EGF: variants seen among roughly 807,000 people sequenced by gnomAD.
The protein encoded by EGF is pro-epidermal growth factor.
Under a neutral mutation model 143.8 loss-of-function variants are expected in EGF, and 95 were observed. The observed-to-expected ratio is 0.66, with a 90% CI of 0.56 to 0.78. The LOEUF is 0.78. EGF is among the 30% of genes least tolerant of loss of function. The pLI is 0.00. For missense variants in EGF, 1,320 were observed against 1,470.9 expected, an observed-to-expected ratio of 0.90 and a Z score of 1.68; for synonymous variants, 510 against 510.5, an observed-to-expected ratio of 1.00 and a Z score of 0.01.
intron 13 of EGF, among the ~76,000 whole-genome samples, 198 bp downstream of exon 13, chr4:109,976,433 T>C (rs2126105029): frequency 6.6e-6 from 1 of 152,326 alleles, no homozygotes; most frequent in South Asian, 2.1e-4. Flanking sequence ...TGTTGCGTAA[T>C]CATTTCTCTT....
chr4:109,948,642 C>A (rs1743269127), intron 5 of EGF, among the ~76,000 whole-genome samples: 1 of 152,080 alleles, frequency 6.6e-6, no homozygotes, highest in Non-Finnish European at 1.5e-5. Context: ...CATCATCACA[C>A]CTGGCTAATT....
intron 18 of EGF, among the ~76,000 whole-genome samples, chr4:109,991,357 A>G (rs1270362573): frequency 6.6e-6 from 1 of 152,150 alleles, no homozygotes; most frequent in African/African-American, 2.4e-5. Flanking sequence ...ATACTCTCAA[A>G]TGGCGAAGGC....
intron 5 of EGF, among the ~76,000 whole-genome samples, chr4:109,953,091 G>C (rs1744205230): frequency 2.0e-5 from 3 of 152,110 alleles, no homozygotes. Context: ...GGTAGTTTAG[G>C]CTTAGAAATC....
chr4:109,964,393 G>C lies in EGF; in HGVS notation c.1439-8G>C, dbSNP rs773657367. The C allele has an allele frequency of 2.5e-6, 4 of 1,613,682 alleles. No homozygotes were observed. In the African/African-American group the frequency reaches 5.3e-5, roughly 22 times the overall value. On this transcript the variant is annotated splice_polypyrimidine_tract_variant and splice_region_variant and intron_variant, in intron 9 of 23. Transcript: ENST00000265171. ...TAAATTCAGCCATATTTGAAATTTG[G>C]TTAACAGGACCACAACCATTTTTGC... is the stretch of plus-strand genomic sequence containing the variant.
chr4:109,916,301 T>C (rs1186410798), intron 1 of EGF, among the ~76,000 whole-genome samples: 1 of 152,156 alleles, frequency 6.6e-6, no homozygotes, highest in Non-Finnish European at 1.5e-5. Flanking sequence ...CGATTTTTTT[T>C]CTTTTTTTCT....
At position 109,913,254 on chromosome 4, in the gene EGF, G is replaced by A. The variant is rs1406838272; in HGVS notation, c.-82G>A. On this transcript the variant is annotated 5_prime_UTR_variant, in exon 1 of 24. Coordinates refer to ENST00000265171, the MANE Select transcript of EGF (RefSeq NM_001963.6). ...CCTCCGCTCAGGCAGCCGCATCTGG[G>A]GTCAATCATACTCACCTTGCCCGGG... 2.5e-6 allele frequency: 4 copies of A among 1,583,130 alleles called. No homozygotes were observed. Among genetic ancestry groups the A allele is most frequent in the Non-Finnish European group, 3.5e-6 (4 of 1,156,774 alleles).
intron 20 of EGF, among the ~76,000 whole-genome samples, chr4:109,998,644 G>C (rs1752144507): frequency 6.6e-6 from 1 of 152,232 alleles, no homozygotes; most frequent in African/African-American, 2.4e-5. Context: ...CAGTCCCTCT[G>C]ACCAGCTAAA....
rs765529399 is a variant in EGF at position 109,960,906 on chromosome 4, T to C, written c.1106T>C (p.Leu369Pro). Residue 369 changes from leucine (L) to proline (P), a missense_variant, in exon 7 of 24, where the codon CTT (leucine) becomes CCT (proline). Transcript: ENST00000265171. ...ECAFWNHGCT[L>P]GCKNTPGSYY... Reference sequence around the variant, plus strand: ...GCTTTTTGGAATCATGGCTGTACTCTTGGGTGTAAAAACACCCCTGGATCC... The same window carrying C: ...GCTTTTTGGAATCATGGCTGTACTCCTGGGTGTAAAAACACCCCTGGATCC... 1 of 1,613,992 alleles carries C rather than the reference T, an allele frequency of 6.2e-7. No homozygotes were observed. Among genetic ancestry groups the C allele is most frequent in the Non-Finnish European group, 8.5e-7 (1 of 1,179,888 alleles).
At chr4:109,924,333 C>CA (rs34676458) in intron 1 of EGF, among the ~76,000 whole-genome samples, 20,073 of 150,922 alleles carry the variant, frequency 0.13, 2,368 homozygotes, top group African/African-American at 0.27. Flanking sequence ...TTCTTTCTAC[C>CA]AAAAAAAATT....
At chr4:109,969,877 G>A (rs945801875) in intron 11 of EGF, among the ~76,000 whole-genome samples, 1 of 152,106 alleles carries the variant, frequency 6.6e-6, no homozygotes, top group Non-Finnish European at 1.5e-5. Context: ...ATGTCATAGG[G>A]CCACACATAA....
At chr4:109,934,461 G>T (rs1041578235) in intron 1 of EGF, among the ~76,000 whole-genome samples, 1 of 152,098 alleles carries the variant, frequency 6.6e-6, no homozygotes, top group Non-Finnish European at 1.5e-5. Context: ...CTAGATATTA[G>T]TCCTTTGTCA....
intron 1 of EGF, among the ~76,000 whole-genome samples, chr4:109,919,662 C>A (rs2125931791): frequency 1.4e-5 from 2 of 147,800 alleles, no homozygotes; most frequent in East Asian, 3.9e-4. Context: ...TAGGGGGGAA[C>A]TACTTCCAGG....
intron 21 of EGF, chr4:110,001,556 A>C (rs1006131829): frequency 1.0e-6 from 1 of 952,448 alleles, no homozygotes; most frequent in African/African-American, 1.8e-5. Flanking sequence ...CTAGAAACTT[A>C]AGTTCATGCG....
intron 5 of EGF, among the ~76,000 whole-genome samples, chr4:109,958,699 T>C (rs1745181649): frequency 6.6e-6 from 1 of 151,928 alleles, no homozygotes; most frequent in Admixed American, 6.6e-5. Context: ...GAGGCTGAGG[T>C]GGGCAGATCA....
At chr4:109,922,013 G>A (rs576781499) in intron 1 of EGF, among the ~76,000 whole-genome samples, 1 of 151,544 alleles carries the variant, frequency 6.6e-6, no homozygotes, top group South Asian at 2.1e-4. Context: ...AGGGTCTTCT[G>A]GTGTTTTTCT....
chr4:109,913,446 G>A lies in EGF; in HGVS notation c.111G>A (p.Gly37=). ...SCPEGTLAGN[G]NSTCVGPAPF... ...CTGAAGGTACTCTCGCAGGAAATGG[G>A]AATTCTACTTGTGTGGGTAAGTACT... Residue 37 remains glycine (G), a synonymous_variant, in exon 1 of 24, where the codon GGG becomes GGA. Transcript: ENST00000265171. 1 of 1,613,786 alleles carries A rather than the reference G, an allele frequency of 6.2e-7. No homozygotes were observed. Among genetic ancestry groups the A allele is most frequent in the Admixed American group, 1.7e-5 (1 of 59,950 alleles).
Position 109,913,249 on chromosome 4 carries a change from T to C in EGF, c.-87T>C. The C allele has an allele frequency of 6.4e-7, 1 of 1,568,766 alleles. No homozygotes were observed. The highest frequency in any genetic ancestry group is 8.7e-7 in the Non-Finnish European group (1 of 1,144,468). On this transcript the variant is annotated 5_prime_UTR_variant, in exon 1 of 24. Coordinates refer to ENST00000265171, the MANE Select transcript of EGF (RefSeq NM_001963.6). ...TGAGGCCTCCGCTCAGGCAGCCGCA[T>C]CTGGGGTCAATCATACTCACCTTGC...
intron 1 of EGF, among the ~76,000 whole-genome samples, chr4:109,929,875 G>T (rs1178376504): frequency 6.6e-6 from 1 of 152,184 alleles, no homozygotes; most frequent in Non-Finnish European, 1.5e-5. Context: ...TGCTTGATAT[G>T]GTTGGCTGTG....
At chr4:109,970,811 C>A (rs1397597623) in intron 11 of EGF, among the ~76,000 whole-genome samples, 8 of 114,974 alleles carry the variant, frequency 7.0e-5, no homozygotes, top group East Asian at 5.2e-4. Context: ...GGTGGCAGAG[C>A]GAGACTCCGT....
Sources: allele counts gnomAD v4.1 joint callset (sites outside exome capture counted in the v4.1 genomes callset), GRCh38; gene constraint gnomAD v4.1.1; transcripts MANE v1.5; gene names NCBI Gene and HGNC (gene_info 2026-07-23, HGNC 2026-07-21).